Variants in TLL2 observed in about 807,000 individuals in gnomAD.
TLL2 encodes the protein tolloid-like protein 2.
A neutral mutation model predicts 123.0 loss-of-function variants in TLL2; 106 were observed. The ratio of observed to expected loss-of-function variants is 0.86; its 90% confidence interval spans 0.74 to 1.01. The LOEUF (loss-of-function observed/expected upper bound fraction) is 1.01. Ranked by LOEUF, TLL2 falls within the 50% of genes least tolerant of loss-of-function variation. The pLI is 0.00. For synonymous variants in TLL2, 494 were observed against 516.8 expected (o/e 0.96, Z 0.60); for missense variants, 1,332 against 1,336.7 (o/e 1.00, Z 0.06).
intron 1 of TLL2, among the ~76,000 whole-genome samples, chr10:96,486,461 T>C (rs911358370): frequency 1.3e-5 from 2 of 152,200 alleles, no homozygotes; most frequent in Non-Finnish European, 2.9e-5. Context: ...GAAATTCCTA[T>C]AGATGAGAAG....
At chr10:96,413,042 T>C (rs1846521788) in intron 8 of TLL2, 150 bp downstream of exon 8, 1 of 1,134,218 alleles carries the variant, frequency 8.8e-7, no homozygotes, top group African/African-American at 1.6e-5. Context: ...CACCTTTCTA[T>C]ACTGCCTAGC....
At chr10:96,451,130 A>T (rs1846955300) in intron 2 of TLL2, among the ~76,000 whole-genome samples, 1 of 152,204 alleles carries the variant, frequency 6.6e-6, no homozygotes, top group African/African-American at 2.4e-5. Context: ...TCTATCCAGC[A>T]TTTGCAATTC....
intron 2 of TLL2, among the ~76,000 whole-genome samples, chr10:96,479,365 C>T (rs1456774921): frequency 1.3e-5 from 2 of 152,236 alleles, no homozygotes; most frequent in African/African-American, 4.8e-5. Flanking sequence ...TGCTCTGGTT[C>T]CTCATGAACC....
At chr10:96,415,453 T>C (rs74409496) in intron 7 of TLL2, among the ~76,000 whole-genome samples, 1 of 151,876 alleles carries the variant, frequency 6.6e-6, no homozygotes, top group African/African-American at 2.4e-5. Context: ...ATTTGTGTAG[T>C]CTCTTCTTAT....
In TLL2 at chr10:96,372,318, G is replaced by C. The variant is rs1473774014; in HGVS notation, c.2662+1278C>G. On this transcript the variant is annotated intron_variant, in intron 19 of 20. Coordinates refer to ENST00000357947, the MANE Select transcript of TLL2 (RefSeq NM_012465.4). Reference sequence around the variant, plus strand: ...TACTGAAAAAAAACTGGAGGTAGAGGCTGTTAAAAGGATCACAGGGTCCCA... The same window carrying C: ...TACTGAAAAAAAACTGGAGGTAGAGCCTGTTAAAAGGATCACAGGGTCCCA... 2.0e-5 allele frequency among the ~76,000 whole-genome samples: 3 copies of C among 152,254 alleles called. No individual in the cohort carries two copies. The East Asian group carries it at 5.8e-4, about 29-fold the overall frequency.
At position 96,387,468 on chromosome 10, in the gene TLL2, C is replaced by T. The variant is rs1034961855; in HGVS notation, c.1727-390G>A. Among the ~76,000 whole-genome samples the T allele has an allele frequency of 5.3e-5, 8 of 152,274 alleles. No individual in the cohort carries two copies. The South Asian group carries it at 1.7e-3, about 32-fold the overall frequency. On this transcript the variant is annotated intron_variant, in intron 13 of 20. Coordinates refer to ENST00000357947, the MANE Select transcript of TLL2 (RefSeq NM_012465.4). ...TTCCCCTGCCCCCATAAATATGCAA[C>T]TTCTCAGAGATATTAAATAAAGGGT...
chr10:96,513,658 G>A lies in TLL2; in HGVS notation c.28C>T (p.Leu10=). The change falls in exon 1 of 21, where the codon CTG becomes TTG. Residue 10 remains leucine (L), a synonymous_variant. Coordinates refer to ENST00000357947, the MANE Select transcript of TLL2 (RefSeq NM_012465.4). ...GGCAGCAGCAGCAGCAGTGACACCA[G>A]GGCCCCAAGTGCAGTCGCCCGGGGC... The part of the protein sequence containing the change: MPRATALGA[L]VSLLLLLPLP... The A allele has an allele frequency of 6.3e-7, 1 of 1,579,870 alleles. No individual in the cohort carries two copies. Among genetic ancestry groups the A allele is most frequent in the Non-Finnish European group, 8.5e-7 (1 of 1,169,614 alleles).
At chr10:96,476,241 T>TA (rs1554939631) in intron 2 of TLL2, among the ~76,000 whole-genome samples, 20,336 of 71,708 alleles carry the variant, frequency 0.28, 4,375 homozygotes, top group East Asian at 0.37. Flanking sequence ...TATATATATA[T>TA]TTTATTTTTG....
intron 1 of TLL2, among the ~76,000 whole-genome samples, chr10:96,481,448 T>C (rs1458548714): frequency 6.6e-6 from 1 of 152,208 alleles, no homozygotes; most frequent in Non-Finnish European, 1.5e-5. Context: ...TTCATGGGCA[T>C]TCATTACTGG....
intron 1 of TLL2, among the ~76,000 whole-genome samples, chr10:96,503,573 A>C (rs1847553608): frequency 6.6e-6 from 1 of 152,162 alleles, no homozygotes; most frequent in Admixed American, 6.5e-5. Flanking sequence ...CCTCCTTGGG[A>C]AAGATTGGCC....
intron 2 of TLL2, among the ~76,000 whole-genome samples, chr10:96,471,569 T>C (rs996785931): frequency 1.3e-5 from 2 of 152,218 alleles, no homozygotes; most frequent in African/African-American, 4.8e-5. Flanking sequence ...ATTACTGTTA[T>C]TATTTTTGGT....
chr10:96,512,658 G>T (rs1330245991), intron 1 of TLL2, among the ~76,000 whole-genome samples: 6 of 152,286 alleles, frequency 3.9e-5, no homozygotes, highest in Non-Finnish European at 8.8e-5. Context: ...CTCCCTGGGA[G>T]CGTGAGCGTG....
At chr10:96,495,652 G>T (rs745982559) in intron 1 of TLL2, among the ~76,000 whole-genome samples, 1 of 152,044 alleles carries the variant, frequency 6.6e-6, no homozygotes, top group African/African-American at 2.4e-5. Context: ...TAAATTTCAG[G>T]ACTCTGCATT....
chr10:96,493,683 C>T (rs547513868), intron 1 of TLL2, among the ~76,000 whole-genome samples: 13 of 152,214 alleles, frequency 8.5e-5, no homozygotes, highest in African/African-American at 3.1e-4. Context: ...GTCCCTCATT[C>T]TGGTATAGCA....
At chr10:96,442,358 A>G (rs552765169) in intron 3 of TLL2, among the ~76,000 whole-genome samples, 2 of 152,304 alleles carry the variant, frequency 1.3e-5, no homozygotes, top group African/African-American at 4.8e-5. Flanking sequence ...ATTAAAGGGA[A>G]CCTGAGATTG....
chr10:96,408,803 G>A (rs1458745957), intron 9 of TLL2, among the ~76,000 whole-genome samples: 1 of 152,206 alleles, frequency 6.6e-6, no homozygotes, highest in Non-Finnish European at 1.5e-5. Flanking sequence ...TAAGATGACA[G>A]TCAAGCATTC....
rs771622054 is a variant in TLL2, at chr10:96,410,537, C to T, written c.1049-63G>A. 1.3e-4 allele frequency: 178 copies of T among 1,342,986 alleles called. No individual in the cohort carries two copies. The East Asian group carries it at 1.8e-3, about 13-fold the overall frequency. The allele number at this position is 1,342,986 out of a possible 1,614,324, so 83.2% of individuals were successfully genotyped here. ...CACCTCTCCCCGCCCAAGCAGCTCC[C>T]GCACGGGGCAGCGGAGCAAACATAC... On this transcript the variant is annotated intron_variant, in intron 8 of 20. Transcript: ENST00000357947.
chr10:96,398,823 G>A (rs1269042984), intron 10 of TLL2, among the ~76,000 whole-genome samples: 1 of 151,822 alleles, frequency 6.6e-6, no homozygotes, highest in Non-Finnish European at 1.5e-5. Context: ...AATGGGAAGT[G>A]GCTGCTAATG....
At chr10:96,418,863 T>C (rs1208927783) in intron 7 of TLL2, among the ~76,000 whole-genome samples, 2 of 149,730 alleles carry the variant, frequency 1.3e-5, no homozygotes, top group African/African-American at 2.4e-5. Flanking sequence ...AAATTAATAA[T>C]TATTAATAGA....
Sources: gnomAD v4.1 joint callset for allele counts (sites outside exome capture counted in the v4.1 genomes callset) on GRCh38, gnomAD v4.1.1 for gene constraint, MANE v1.5 for transcripts, NCBI Gene and HGNC (gene_info 2026-07-23, HGNC 2026-07-21) for gene names.